DTNBP1: variants seen among roughly 807,000 people sequenced by gnomAD.
DTNBP1 encodes the protein dysbindin.
In DTNBP1, 35 loss-of-function variants were observed where a neutral mutation model predicts 42.8. The observed-to-expected ratio is 0.82, with a 90% CI of 0.63 to 1.09. The LOEUF (loss-of-function observed/expected upper bound fraction) is 1.09. Among genes scored for constraint, DTNBP1 ranks in the 50% least tolerant of loss-of-function variants. DTNBP1 has a pLI of 0.00. For missense variants in DTNBP1, 457 were observed against 424.2 expected (o/e 1.08, Z -0.68); for synonymous variants, 171 against 162.2 (o/e 1.05, Z -0.41).
intron 7 of DTNBP1, among the ~76,000 whole-genome samples, chr6:15,583,436 G>A (rs2113586197): frequency 6.6e-6 from 1 of 152,264 alleles, no homozygotes; most frequent in East Asian, 1.9e-4. Context: ...AATCTTCTGA[G>A]AAAAGTACAA....
At chr6:15,597,447 T>C (rs532755617) in intron 6 of DTNBP1, among the ~76,000 whole-genome samples, 2 of 152,258 alleles carry the variant, frequency 1.3e-5, no homozygotes, top group African/African-American at 4.8e-5. Flanking sequence ...AAAGCATGGG[T>C]AAGCAGGAGT....
intron 6 of DTNBP1, 154 bp downstream of exon 6, chr6:15,615,113 G>T (rs753812318): frequency 1.8e-6 from 2 of 1,088,860 alleles, no homozygotes; most frequent in Non-Finnish European, 1.4e-6. Flanking sequence ...GCAACAGACA[G>T]TGGTTTTTAA....
At chr6:15,569,208 AC>A (rs1490482938) in intron 7 of DTNBP1, among the ~76,000 whole-genome samples, 3 of 152,282 alleles carry the variant, frequency 2.0e-5, no homozygotes, top group African/African-American at 7.2e-5. Flanking sequence ...TAGAATCATA[AC>A]GTTTTTGTTT....
chr6:15,621,749 A>C (rs931378780), intron 5 of DTNBP1, among the ~76,000 whole-genome samples: 2 of 152,116 alleles, frequency 1.3e-5, no homozygotes, highest in African/African-American at 4.8e-5. Flanking sequence ...TGTTTACTTC[A>C]CTTCTTTCCT....
intron 6 of DTNBP1, among the ~76,000 whole-genome samples, chr6:15,599,694 G>A (rs1331933348): frequency 1.3e-5 from 2 of 152,156 alleles, no homozygotes; most frequent in Non-Finnish European, 1.5e-5. Flanking sequence ...TAGCCCTGAA[G>A]ACATGTCGTG....
intron 7 of DTNBP1, among the ~76,000 whole-genome samples, chr6:15,563,265 C>G (rs1342321561): frequency 6.6e-6 from 1 of 152,176 alleles, no homozygotes; most frequent in Non-Finnish European, 1.5e-5. Flanking sequence ...TTTGAAACTC[C>G]TGAAGAAAAC....
intron 5 of DTNBP1, among the ~76,000 whole-genome samples, chr6:15,622,465 T>C (rs1334970563): frequency 1.3e-5 from 2 of 152,234 alleles, no homozygotes; most frequent in African/African-American, 2.4e-5. Context: ...GAATATTTTA[T>C]GTTGAATTTA....
intron 7 of DTNBP1, chr6:15,546,170 A>G (rs1439101699): frequency 1.7e-5 from 6 of 344,080 alleles, no homozygotes; most frequent in Non-Finnish European, 3.5e-5. Context: ...GGTTCAAGCA[A>G]TTCTCCTGCC....
chr6:15,592,907 G>T, intron 7 of DTNBP1, 152 bp downstream of exon 7: 1 of 780,694 alleles, frequency 1.3e-6, no homozygotes, highest in Non-Finnish European at 2.0e-6. Flanking sequence ...AAAACCACCT[G>T]TGATTAAGCA....
chr6:15,660,481 G>A (rs551750494), intron 1 of DTNBP1: 6 of 1,289,736 alleles, frequency 4.7e-6, no homozygotes, highest in South Asian at 2.5e-5. Context: ...CAGGCTAATG[G>A]CACACACTGA....
intron 4 of DTNBP1, among the ~76,000 whole-genome samples, chr6:15,636,227 C>T (rs930191666): frequency 2.9e-4 from 42 of 144,906 alleles, no homozygotes; most frequent in African/African-American, 1.1e-3. Context: ...CTTGGCTCAC[C>T]GTAACCTCCG....
intron 3 of DTNBP1, among the ~76,000 whole-genome samples, chr6:15,646,820 GGA>G (rs1467345817): frequency 6.6e-6 from 1 of 151,772 alleles, no homozygotes; most frequent in Non-Finnish European, 1.5e-5. Flanking sequence ...AGCCATTTAT[GGA>G]TGAACAAAAC....
intron 7 of DTNBP1, among the ~76,000 whole-genome samples, chr6:15,571,491 T>C (rs1775338425): frequency 6.6e-6 from 1 of 152,244 alleles, no homozygotes; most frequent in South Asian, 2.1e-4. Context: ...TTAGTTTTAC[T>C]ATAATAACCA....
At chr6:15,546,779 A>C (rs1773903624) in intron 7 of DTNBP1, among the ~76,000 whole-genome samples, 2 of 152,190 alleles carry the variant, frequency 1.3e-5, no homozygotes, top group Admixed American at 1.3e-4. Flanking sequence ...GGAGATCGAC[A>C]AATACCTACA....
chr6:15,662,013 T>C (rs1466750704), intron 1 of DTNBP1, among the ~76,000 whole-genome samples: 1 of 152,162 alleles, frequency 6.6e-6, no homozygotes, highest in Non-Finnish European at 1.5e-5. Flanking sequence ...CGGCCTGTGG[T>C]TCCCAGGCGT....
At chr6:15,554,597 C>A (rs1774406505) in intron 7 of DTNBP1, among the ~76,000 whole-genome samples, 1 of 152,096 alleles carries the variant, frequency 6.6e-6, no homozygotes, top group Admixed American at 6.5e-5. Context: ...GACACAAACA[C>A]TTTGAGGGAG....
In DTNBP1 at chr6:15,661,547, G is replaced by C. The variant is rs113422218; in HGVS notation, c.56+1267C>G. Among the ~76,000 whole-genome samples, 35 of 151,604 alleles carry C rather than the reference G, an allele frequency of 2.3e-4. 2 individuals carry two copies. The highest frequency in any genetic ancestry group is 7.7e-4 in the African/African-American group (32 of 41,302). ...TCTAGTCCCAGCTACTCAGGAGGTGGAGCCAGGAGAATCGCTTGAATCCGG... is the reference window on the plus strand; with the variant it reads ...TCTAGTCCCAGCTACTCAGGAGGTGCAGCCAGGAGAATCGCTTGAATCCGG... On this transcript the variant is annotated intron_variant, in intron 1 of 9. Transcript: ENST00000344537.
At chr6:15,662,684 G>C in intron 1 of DTNBP1, 130 bp downstream of exon 1, 1 of 1,273,340 alleles carries the variant, frequency 7.9e-7, no homozygotes, top group Non-Finnish European at 1.1e-6. Context: ...TTTCCTCGGC[G>C]GGGCGGGGCG....
intron 7 of DTNBP1, among the ~76,000 whole-genome samples, chr6:15,551,580 C>T (rs745357426): frequency 2.0e-5 from 3 of 152,144 alleles, no homozygotes; most frequent in South Asian, 2.1e-4. Context: ...CATCTCAGCT[C>T]GACTGCCCCC....
Sources: gnomAD v4.1 joint callset for allele counts (sites outside exome capture counted in the v4.1 genomes callset) on GRCh38, gnomAD v4.1.1 for gene constraint, MANE v1.5 for transcripts, NCBI Gene and HGNC (gene_info 2026-07-23, HGNC 2026-07-21) for gene names.